POLI: variants seen among roughly 807,000 people sequenced by gnomAD.
POLI encodes DNA polymerase iota.
Under a neutral mutation model 51.6 loss-of-function variants are expected in POLI, and 58 were observed. The ratio of observed to expected loss-of-function variants is 1.12; its 90% CI spans 0.91 to 1.40. POLI has a LOEUF of 1.40. POLI is among the 40% of genes most tolerant of loss of function. The pLI is 0.00. For synonymous variants in POLI, 322 were observed against 299.7 expected, an observed-to-expected ratio of 1.07 and a Z score of -0.77; for missense variants, 921 against 871.3, an observed-to-expected ratio of 1.06 and a Z score of -0.72.
chr18:54,313,411 T>C (rs559260245), intron 3 of POLI, among the ~76,000 whole-genome samples: 1 of 152,348 alleles, frequency 6.6e-6, no homozygotes, highest in Admixed American at 6.5e-5. Flanking sequence ...TTTGTTCTTT[T>C]TGCTTAGGAT....
chr18:54,290,144 C>G (rs1406435447), intron 8 of POLI, among the ~76,000 whole-genome samples: 1 of 152,178 alleles, frequency 6.6e-6, no homozygotes, highest in Non-Finnish European at 1.5e-5. Flanking sequence ...AAAAAGCAAA[C>G]AACCCCATCA....
chr18:54,296,088 G>A lies in POLI; in HGVS notation c.*1621G>A. The A allele has an allele frequency of 4.1e-6, 4 of 984,388 alleles. No individual in the cohort carries two copies. Among genetic ancestry groups the A allele is most frequent in the Non-Finnish European group, 4.8e-6 (4 of 829,072 alleles). The allele number at this position is 984,388 out of a possible 1,614,324, so 61.0% of individuals were successfully genotyped here. On this transcript the variant is annotated 3_prime_UTR_variant, in exon 10 of 10. Transcript: ENST00000579534. ...CAAATATTTAGTACTCTGAATCAAGGAACATAGTATTTTTTACATGAGTAT... is the reference window on the plus strand; with the variant it reads ...CAAATATTTAGTACTCTGAATCAAGAAACATAGTATTTTTTACATGAGTAT...
intron 3 of POLI, among the ~76,000 whole-genome samples, chr18:54,309,145 C>G (rs1050908798): frequency 6.6e-6 from 1 of 152,208 alleles, no homozygotes; most frequent in Non-Finnish European, 1.5e-5. Flanking sequence ...AGCTGTGATA[C>G]TTTGGAGGAG....
In POLI at chr18:54,315,351, A is replaced by G. The variant is rs1299064759; in HGVS notation, c.334-4922A>G. ...GCTTGGTGATTTCAATTTTTTTTCA[A>G]TTTCTTGAGACTTGCTTTATGTATG... On this transcript the variant is annotated intron_variant, in intron 3 of 4. Coordinates refer to the POLI transcript ENST00000579823. 2.0e-5 allele frequency among the ~76,000 whole-genome samples: 3 copies of G among 151,654 alleles called. No individual in the cohort carries two copies. The East Asian group carries it at 5.8e-4, about 29-fold the overall frequency.
At chr18:54,275,884 C>A (rs1335974049) in intron 3 of POLI, among the ~76,000 whole-genome samples, 1 of 152,076 alleles carries the variant, frequency 6.6e-6, no homozygotes, top group Non-Finnish European at 1.5e-5. Context: ...AGGCGCGTAG[C>A]CAGTTAGTCC....
chr18:54,294,474 T>G lies in POLI; in HGVS notation c.*7T>G. Reference sequence around the variant, plus strand: ...CCACATTGGACATAAATAAGCATATTCAGCAAAAAGGTCTGAAAAGCAAGG... The same window carrying G: ...CCACATTGGACATAAATAAGCATATGCAGCAAAAAGGTCTGAAAAGCAAGG... On this transcript the variant is annotated 3_prime_UTR_variant, in exon 10 of 10. Coordinates refer to ENST00000579534, the MANE Select transcript of POLI (RefSeq NM_007195.3). The G allele has an allele frequency of 1.3e-6, 2 of 1,570,770 alleles. No homozygotes were observed. The highest frequency in any genetic ancestry group is 2.4e-5 in the South Asian group (2 of 83,284).
At chr18:54,309,546 G>C (rs1047257172) in intron 3 of POLI, among the ~76,000 whole-genome samples, 3 of 152,110 alleles carry the variant, frequency 2.0e-5, no homozygotes, top group African/African-American at 7.2e-5. Flanking sequence ...GTGGGTGTCA[G>C]GGAAGAGGCA....
At position 54,295,768 on chromosome 18, in the gene POLI, C is replaced by A; in HGVS notation, c.*1301C>A. 5.2e-6 allele frequency: 1 copy of A among 191,268 alleles called. No homozygotes were observed. Among genetic ancestry groups the A allele is most frequent in the Non-Finnish European group, 9.6e-6 (1 of 103,846 alleles). The allele number at this position is 191,268 out of a possible 1,614,324, so 11.8% of individuals were successfully genotyped here. ...TCAGCCTCCTGAGTAGCTGGGATTA[C>A]ACGCATGCCCTACCACACCCAGCAA... On this transcript the variant is annotated 3_prime_UTR_variant, in exon 10 of 10. Coordinates refer to ENST00000579534, the MANE Select transcript of POLI (RefSeq NM_007195.3).
intron 7 of POLI, among the ~76,000 whole-genome samples, chr18:54,286,943 CA>C (rs34365028): frequency 0.073 from 10,415 of 141,780 alleles, 405 homozygotes; most frequent in African/African-American, 0.084. Context: ...GACTCCATCT[CA>C]AAAAAAAAAA....
intron 3 of POLI, among the ~76,000 whole-genome samples, chr18:54,312,331 A>G (rs1481506039): frequency 6.6e-6 from 1 of 152,016 alleles, no homozygotes; most frequent in East Asian, 1.9e-4. Context: ...TATATGCCAT[A>G]TTATCTTTAT....
rs2144619390 is a variant in POLI at position 54,297,379 on chromosome 18, G to A, written c.*2912G>A. On this transcript the variant is annotated 3_prime_UTR_variant, in exon 10 of 10. Transcript: ENST00000579534. ...TTCTCTCTTGAGTGTATAGTGTAGAGGGGGTTTCTGTCTTGAGTGTAGGCC... is the reference window on the plus strand; with the variant it reads ...TTCTCTCTTGAGTGTATAGTGTAGAAGGGGTTTCTGTCTTGAGTGTAGGCC... 1.0e-6 allele frequency: 1 copy of A among 983,552 alleles called. No homozygotes were observed. The highest frequency in any genetic ancestry group is 1.2e-6 in the Non-Finnish European group (1 of 828,630). 60.9% of individuals were successfully genotyped at this position (983,552 alleles called of 1,614,324 possible). A position where few individuals can be genotyped will look rare whatever the true frequency, so the allele number is the denominator to read the frequency against.
chr18:54,309,729 G>T (rs112605290), intron 3 of POLI, among the ~76,000 whole-genome samples: 1,762 of 152,254 alleles, frequency 0.012, 40 homozygotes, highest in African/African-American at 0.041. Flanking sequence ...GCTGCGGTGG[G>T]CTCCACCCAG....
rs369274212 is a variant in POLI at position 54,278,314 on chromosome 18, ATACCTCTGTAGG to A, written c.559+461_559+472del. Among the ~76,000 whole-genome samples the A allele has an allele frequency of 2.7e-3, 406 of 152,294 alleles. 4 individuals are homozygous for A. Among genetic ancestry groups the A allele is most frequent in the African/African-American group, 9.5e-3 (394 of 41,544 alleles). ...CCATCTCTTAAGGAAACAAAAAGCC[ATACCTCTGTAGG>A]TCATTCTTAAGTTGTAAGAGTTGGC... On this transcript the variant is annotated intron_variant, in intron 4 of 9. Transcript: ENST00000579534.
chr18:54,279,378 G>A (rs940679709), intron 4 of POLI, among the ~76,000 whole-genome samples: 2 of 151,890 alleles, frequency 1.3e-5, no homozygotes, highest in African/African-American at 2.4e-5. Context: ...GACTAGCTGG[G>A]ACTACAGGCA....
At position 54,269,796 on chromosome 18, in the gene POLI, T is replaced by A. The variant is rs2086918978; in HGVS notation, c.115+135T>A. 3 of 1,374,720 alleles carry A rather than the reference T, an allele frequency of 2.2e-6. No individual in the cohort carries two copies. In the African/African-American group the frequency reaches 4.6e-5, roughly 21 times the overall value. The allele number at this position is 1,374,720 out of a possible 1,614,324, so 85.2% of individuals were successfully genotyped here. A position where few individuals can be genotyped will look rare whatever the true frequency, so the allele number is the denominator to read the frequency against. On this transcript the variant is annotated intron_variant, in intron 1 of 9. Transcript: ENST00000579534. ...TCGGCTCCTCTAAGAGAGGGCTGCCTCCCTCTGCCTTGTGTTACGCGGCGG... is the reference window on the plus strand; with the variant it reads ...TCGGCTCCTCTAAGAGAGGGCTGCCACCCTCTGCCTTGTGTTACGCGGCGG...
intron 3 of POLI, among the ~76,000 whole-genome samples, chr18:54,308,316 G>T (rs906183848): frequency 2.0e-5 from 3 of 152,126 alleles, no homozygotes; most frequent in Non-Finnish European, 1.5e-5. Flanking sequence ...GTCTGTAAAG[G>T]ATTTTATTTC....
intron 3 of POLI, among the ~76,000 whole-genome samples, 161 bp downstream of exon 3, chr18:54,274,251 A>G (rs912821876): frequency 6.6e-6 from 1 of 152,138 alleles, no homozygotes; most frequent in Non-Finnish European, 1.5e-5. Flanking sequence ...ATGTGAAAGG[A>G]TAACTGTATG....
intron 3 of POLI, among the ~76,000 whole-genome samples, chr18:54,319,129 A>G (rs1331894401): frequency 2.0e-5 from 3 of 152,230 alleles, no homozygotes; most frequent in Non-Finnish European, 2.9e-5. Context: ...AGTATGGCAG[A>G]GCTGAGTGCT....
intron 3 of POLI, among the ~76,000 whole-genome samples, chr18:54,314,142 A>T (rs1469587191): frequency 6.6e-6 from 1 of 152,024 alleles, no homozygotes; most frequent in Admixed American, 6.5e-5. Flanking sequence ...TAGTTTGTTG[A>T]GGGCTTTTAT....
Sources: allele counts gnomAD v4.1 joint callset (sites outside exome capture counted in the v4.1 genomes callset), GRCh38; gene constraint gnomAD v4.1.1; transcripts MANE v1.5; gene names NCBI Gene and HGNC (gene_info 2026-07-23, HGNC 2026-07-21).